COMT: variants seen among roughly 807,000 people sequenced by gnomAD.
COMT encodes the protein catechol O-methyltransferase.
A neutral mutation model predicts 18.9 loss-of-function variants in COMT; 13 were observed. The ratio of observed to expected loss-of-function variants is 0.69; its 90% CI spans 0.45 to 1.09. The LOEUF (loss-of-function observed/expected upper bound fraction) is 1.09, where lower values mean the gene tolerates loss of function less well. Ranked by LOEUF, COMT falls within the 50% of genes least tolerant of loss-of-function variation. The pLI is 0.00. For missense variants in COMT, 329 were observed against 361.8 expected (o/e 0.91, Z 0.73); for synonymous variants, 150 against 160.9 (o/e 0.93, Z 0.51).
At chr22:19,947,032 CA>C (rs1941849548) in intron 1 of COMT, among the ~76,000 whole-genome samples, 1 of 150,796 alleles carries the variant, frequency 6.6e-6, no homozygotes, top group Non-Finnish European at 1.5e-5. Flanking sequence ...TCTCCTGCCT[CA>C]GCCCCCCAAG....
At chr22:19,951,801 C>T (rs569280596) in intron 1 of COMT, 1 of 152,362 alleles carries the variant, frequency 6.6e-6, no homozygotes, top group African/African-American at 2.4e-5. Context: ...TTACCAAAAG[C>T]AGGAAGGGAG....
rs1167356713 is a variant in COMT, at chr22:19,955,891, C to T, written c.-91-5308C>T. ...GATGCACAGCCATTTCAGAGCACAA[C>T]CTGAGGTCTCCTGAGCTTGCTGTGC... On this transcript the variant is annotated intron_variant, in intron 1 of 5. Coordinates refer to ENST00000361682, the MANE Select transcript of COMT (RefSeq NM_000754.4). Among the ~76,000 whole-genome samples the T allele has an allele frequency of 2.0e-5, 3 of 152,194 alleles. No individual in the cohort carries two copies. The East Asian group carries it at 5.8e-4, about 29-fold the overall frequency.
chr22:19,959,374 A>C (rs56104268), intron 1 of COMT, among the ~76,000 whole-genome samples: 23,515 of 152,290 alleles, frequency 0.15, 1,873 homozygotes, highest in Non-Finnish European at 0.17. Context: ...TCGGATGGCC[A>C]GGTGGGCGTG....
At chr22:19,950,307 ACTC>A (rs1941909804) in intron 1 of COMT, among the ~76,000 whole-genome samples, 1 of 128,176 alleles carries the variant, frequency 7.8e-6, no homozygotes, top group Non-Finnish European at 1.6e-5. Context: ...CTGGTCTTGA[ACTC>A]CTAGCCTCAA....
intron 1 of COMT, among the ~76,000 whole-genome samples, chr22:19,944,225 C>T (rs1029968141): frequency 1.3e-5 from 2 of 152,152 alleles, no homozygotes; most frequent in Non-Finnish European, 2.9e-5. Context: ...AAGGCAGTGA[C>T]AGTCCAAGTG....
intron 1 of COMT, among the ~76,000 whole-genome samples, chr22:19,947,050 G>A (rs1047714036): frequency 1.3e-5 from 2 of 151,408 alleles, no homozygotes; most frequent in African/African-American, 4.9e-5. Flanking sequence ...CAAGTAGCTG[G>A]GATTACAGGT....
chr22:19,952,089 C>T (rs780332446), intron 1 of COMT, among the ~76,000 whole-genome samples: 1 of 151,690 alleles, frequency 6.6e-6, no homozygotes, highest in Non-Finnish European at 1.5e-5. Context: ...CACTTGAGGC[C>T]AGGAGTTTAA....
intron 3 of COMT, 70 bp from the exon 4 acceptor site, chr22:19,963,496 C>T (rs1942251460): frequency 1.3e-5 from 20 of 1,555,836 alleles, no homozygotes; most frequent in Admixed American, 1.7e-5. Context: ...GGTGGGGGGC[C>T]GTGCCTGGGG....
intron 5 of COMT, among the ~76,000 whole-genome samples, chr22:19,968,162 CCT>C (rs1942526737): frequency 6.6e-6 from 1 of 152,216 alleles, no homozygotes; most frequent in Admixed American, 6.5e-5. Flanking sequence ...TCCTTGGGTG[CCT>C]CTCCCTCATA....
In COMT at chr22:19,968,657, C is replaced by A. The variant is rs372535915; in HGVS notation, c.737C>A (p.Ser246Ter). 39 of 1,613,950 alleles carry A rather than the reference C, an allele frequency of 2.4e-5. No individual in the cohort carries two copies. The highest frequency in any genetic ancestry group is 2.9e-5 in the Non-Finnish European group (34 of 1,180,022). The change falls in exon 6 of 6, where the codon TCG becomes TAG. Residue 246 changes from serine to a stop codon, truncating the protein, a stop_gained. Transcript: ENST00000361682. LOFTEE classifies it low-confidence loss of function (END_TRUNC). ...SSCFECTHYQ[S>*]FLEYREVVDG... ...TGCTTTGAGTGCACACACTACCAATCGTTCCTGGAATACAGGGAGGTGGTG... is the reference window on the plus strand; with the variant it reads ...TGCTTTGAGTGCACACACTACCAATAGTTCCTGGAATACAGGGAGGTGGTG...
chr22:19,946,900 T>A (rs532617540), intron 1 of COMT, among the ~76,000 whole-genome samples: 12 of 142,248 alleles, frequency 8.4e-5, no homozygotes, highest in African/African-American at 2.9e-4. Flanking sequence ...TTAAAAAAAA[T>A]TTTTTTTTAG....
chr22:19,964,842 C>T (rs889449737), intron 5 of COMT: 5 of 293,130 alleles, frequency 1.7e-5, no homozygotes, highest in Non-Finnish European at 3.3e-5. Flanking sequence ...GCGTGGGGCA[C>T]TGGTGGCCCT....
chr22:19,948,998 A>G (rs1941885642), intron 1 of COMT, among the ~76,000 whole-genome samples: 1 of 151,842 alleles, frequency 6.6e-6, no homozygotes, highest in Admixed American at 6.6e-5. Context: ...AACTTTATAC[A>G]TAAATCCATT....
At chr22:19,968,489 T>C in intron 5 of COMT, 47 bp from the exon 6 acceptor site, 2 of 1,582,032 alleles carry the variant, frequency 1.3e-6, no homozygotes, top group Non-Finnish European at 1.7e-6. Flanking sequence ...GCAGGTTCTC[T>C]GGGCACCTCT....
intron 1 of COMT, among the ~76,000 whole-genome samples, chr22:19,956,438 G>A (rs1942066990): frequency 6.9e-6 from 1 of 145,566 alleles, no homozygotes; most frequent in African/African-American, 2.6e-5. Flanking sequence ...GTGCAATGGA[G>A]TGATCTTAGC....
chr22:19,942,665 C>G (rs1324956440), intron 1 of COMT, among the ~76,000 whole-genome samples: 2 of 120,462 alleles, frequency 1.7e-5, no homozygotes, highest in Admixed American at 1.7e-4. Flanking sequence ...GTAGGAGCTG[C>G]CCTGCAGAGC....
At chr22:19,960,641 A>T (rs1179533053) in intron 1 of COMT, among the ~76,000 whole-genome samples, 1 of 151,910 alleles carries the variant, frequency 6.6e-6, no homozygotes, top group African/African-American at 2.4e-5. Flanking sequence ...CACGATTCCC[A>T]CTCCTGCAGC....
chr22:19,957,230 A>G (rs372222805), intron 1 of COMT, among the ~76,000 whole-genome samples: 20 of 152,104 alleles, frequency 1.3e-4, no homozygotes, highest in Admixed American at 5.2e-4. Context: ...GATTACAGGC[A>G]TGAGCCACCG....
rs1202838744 is a variant in COMT, at chr22:19,969,110, C to T, written c.*374C>T. The stretch of plus-strand genomic sequence containing the variant: ...ACCAAACATTCAAAGCTCCCCTTGA[C>T]GGACGCTAACGCTAAGGGCGGGGCC... On this transcript the variant is annotated 3_prime_UTR_variant, in exon 6 of 6. Coordinates refer to ENST00000361682, the MANE Select transcript of COMT (RefSeq NM_000754.4). The T allele has an allele frequency of 2.2e-5, 5 of 231,136 alleles. No homozygotes were observed. The highest frequency in any genetic ancestry group is 4.4e-5 in the Non-Finnish European group (5 of 114,520). 14.3% of individuals were successfully genotyped at this position (231,136 alleles called of 1,614,324 possible).
Sources: gnomAD v4.1 joint callset for allele counts (sites outside exome capture counted in the v4.1 genomes callset) on GRCh38, gnomAD v4.1.1 for gene constraint, MANE v1.5 for transcripts, NCBI Gene and HGNC (gene_info 2026-07-23, HGNC 2026-07-21) for gene names.